TMEM132D: variants seen among roughly 807,000 people sequenced by gnomAD.
TMEM132D encodes transmembrane protein 132D.
In TMEM132D, 21 loss-of-function variants were observed where a neutral mutation model predicts 62.3. That is an observed-to-expected ratio of 0.34 (90% CI 0.24 to 0.49). The LOEUF is 0.49. TMEM132D is among the 20% of genes least tolerant of loss of function. The pLI, the probability that TMEM132D is intolerant of heterozygous loss-of-function variation, is 0.99. For missense variants in TMEM132D, 1,346 were observed against 1,402.8 expected, an observed-to-expected ratio of 0.96 and a Z score of 0.65; for synonymous variants, 621 against 575.6, an observed-to-expected ratio of 1.08 and a Z score of -1.13.
In TMEM132D at chr12:129,817,938, T is replaced by TGTGTGTGTGTGTGGTGTGAG. The variant is rs1555233656; in HGVS notation, c.79+85322_79+85323insCTCACACCACACACACACAC. Among the ~76,000 whole-genome samples the TGTGTGTGTGTGTGGTGTGAG allele has an allele frequency of 4.2e-5, 6 of 141,400 alleles. No homozygotes were observed. In the South Asian group the frequency reaches 1.2e-3, roughly 28 times the overall value. The allele number at this position is 141,400 out of a possible 152,430, so 92.8% of individuals were successfully genotyped here. A position where few individuals can be genotyped will look rare whatever the true frequency, so the allele number is the denominator to read the frequency against. ...GTAGCTGTGTATATGTGGTTTGGAG[T>TGTGTGTGTGTGTGGTGTGAG]GTGTGTGTGTGGTGTGAGGTGTATG... is the stretch of plus-strand genomic sequence containing the variant. On this transcript the variant is annotated intron_variant, in intron 1 of 8. Coordinates refer to ENST00000422113, the MANE Select transcript of TMEM132D (RefSeq NM_133448.3).
intron 3 of TMEM132D, among the ~76,000 whole-genome samples, chr12:129,341,317 A>G (rs368267726): frequency 6.6e-6 from 1 of 152,212 alleles, no homozygotes; most frequent in Non-Finnish European, 1.5e-5. Flanking sequence ...ATTGTAGGAG[A>G]TAAATACAGT....
chr12:129,400,273 G>T (rs921735751), intron 3 of TMEM132D, among the ~76,000 whole-genome samples: 1 of 152,134 alleles, frequency 6.6e-6, no homozygotes, highest in African/African-American at 2.4e-5. Context: ...CATTAGTCAA[G>T]AGCATGTCCT....
rs34775349 is a variant in TMEM132D, at chr12:129,299,420, C to CTT, written c.1299+38212_1299+38213dup. On this transcript the variant is annotated intron_variant, in intron 4 of 8. Coordinates refer to ENST00000422113, the MANE Select transcript of TMEM132D (RefSeq NM_133448.3). ...CTCTTTTCTGTTTCACATAGTTGAACTTTTTTTTTTTTTTTTTTGCCAATT... is the reference window on the plus strand; with the variant it reads ...CTCTTTTCTGTTTCACATAGTTGAACTTTTTTTTTTTTTTTTTTTTGCCAATT... Among the ~76,000 whole-genome samples the CTT allele has an allele frequency of 8.6e-3, 1,098 of 127,600 alleles. 12 individuals are homozygous for CTT. Among genetic ancestry groups the CTT allele is most frequent in the African/African-American group, 0.016 (539 of 34,170 alleles). The allele number at this position is 127,600 out of a possible 152,430, so 83.7% of individuals were successfully genotyped here.
chr12:129,601,179 G>C (rs1382371332), intron 2 of TMEM132D, among the ~76,000 whole-genome samples: 1 of 152,200 alleles, frequency 6.6e-6, no homozygotes, highest in Non-Finnish European at 1.5e-5. Flanking sequence ...ATGTCATAGA[G>C]ATGGCATCTT....
Position 129,084,514 on chromosome 12 carries a change from G to A in TMEM132D, c.1632C>T (p.Pro544=), listed in dbSNP as rs760581231. The A allele has an allele frequency of 6.2e-7, 1 of 1,603,406 alleles. No homozygotes were observed. The highest frequency in any genetic ancestry group is 8.5e-7 in the Non-Finnish European group (1 of 1,174,822). ...ELNQIKGWRV[P]IVSSRRPAGD... Reference sequence around the variant, plus strand: ...ATACCCACCTCCTGCTGGAGACGATGGGCACTCTCCAACCCTTGATCTGAT... The same window carrying A: ...ATACCCACCTCCTGCTGGAGACGATAGGCACTCTCCAACCCTTGATCTGAT... The change falls in exon 6 of 9, where the codon CCC becomes CCT. Residue 544 remains proline (P), a synonymous_variant. Coordinates refer to ENST00000422113, the MANE Select transcript of TMEM132D (RefSeq NM_133448.3).
chr12:129,370,608 A>G (rs1593354637), intron 3 of TMEM132D, among the ~76,000 whole-genome samples: 2 of 152,260 alleles, frequency 1.3e-5, no homozygotes, highest in African/African-American at 2.4e-5. Flanking sequence ...TCTATTCACA[A>G]TAGCGAAAAT....
chr12:129,226,920 G>T (rs966773054), intron 4 of TMEM132D, among the ~76,000 whole-genome samples: 1 of 152,108 alleles, frequency 6.6e-6, no homozygotes, highest in Non-Finnish European at 1.5e-5. Context: ...ATTCTGAGCC[G>T]CCTGAAGAAA....
chr12:129,183,552 G>A (rs763137228), intron 5 of TMEM132D, among the ~76,000 whole-genome samples: 3 of 152,208 alleles, frequency 2.0e-5, no homozygotes, highest in Non-Finnish European at 4.4e-5. Context: ...TTGGGCCTGA[G>A]GTTGATGCCA....
chr12:129,116,216 G>A (rs539604357), intron 5 of TMEM132D, among the ~76,000 whole-genome samples: 4 of 152,304 alleles, frequency 2.6e-5, no homozygotes, highest in Non-Finnish European at 5.9e-5. Context: ...AGAGAGGCTG[G>A]TTAAGGTGGG....
At chr12:129,480,246 G>A (rs1459250850) in intron 3 of TMEM132D, among the ~76,000 whole-genome samples, 1 of 152,234 alleles carries the variant, frequency 6.6e-6, no homozygotes, top group Non-Finnish European at 1.5e-5. Context: ...TGCAGGGGGT[G>A]CAGAGGGCAC....
At chr12:129,155,793 C>A (rs1039724749) in intron 5 of TMEM132D, among the ~76,000 whole-genome samples, 6 of 152,162 alleles carry the variant, frequency 3.9e-5, no homozygotes, top group African/African-American at 1.4e-4. Context: ...CCTATGATAA[C>A]CCACTCCACA....
chr12:129,186,407 G>A (rs1878223075), intron 5 of TMEM132D, among the ~76,000 whole-genome samples: 1 of 152,174 alleles, frequency 6.6e-6, no homozygotes, highest in Admixed American at 6.5e-5. Flanking sequence ...GTTCCACTGA[G>A]AGGGGTCCAG....
chr12:129,537,722 GA>G (rs1462362819), intron 2 of TMEM132D, among the ~76,000 whole-genome samples: 4 of 152,206 alleles, frequency 2.6e-5, no homozygotes, highest in African/African-American at 9.6e-5. Context: ...AGACCAAAGA[GA>G]AGAGGAATTG....
intron 3 of TMEM132D, among the ~76,000 whole-genome samples, chr12:129,342,362 G>A (rs1364120923): frequency 5.3e-5 from 8 of 152,030 alleles, no homozygotes; most frequent in South Asian, 4.1e-4. Flanking sequence ...TGGGAAAACT[G>A]GCTAGCCATA....
chr12:129,831,949 A>C (rs1872851288), intron 1 of TMEM132D, among the ~76,000 whole-genome samples: 1 of 144,608 alleles, frequency 6.9e-6, no homozygotes, highest in Admixed American at 7.3e-5. Flanking sequence ...AGCTCACTGC[A>C]ATCTCCACCT....
At chr12:129,540,588 C>A (rs1339583551) in intron 2 of TMEM132D, among the ~76,000 whole-genome samples, 2 of 151,956 alleles carry the variant, frequency 1.3e-5, no homozygotes, top group Non-Finnish European at 2.9e-5. Context: ...CTGGTTCAAG[C>A]AATTCTCATG....
chr12:129,903,429 G>A lies in TMEM132D; in HGVS notation c.-90C>T, dbSNP rs1365800364. On this transcript the variant is annotated 5_prime_UTR_variant, in exon 1 of 9. Transcript: ENST00000422113. The surrounding 1 kb of genome is among the most constrained non-coding windows in gnomAD (Gnocchi z 6.2). ...CAGTCCCCTAGAGGCCCGCAGCGGG[G>A]CCGGTGGCGAGGGAGCGCCCGGCTA... 2.1e-6 allele frequency: 3 copies of A among 1,413,050 alleles called. No homozygotes were observed. The highest frequency in any genetic ancestry group is 2.9e-6 in the Non-Finnish European group (3 of 1,029,998). The allele number at this position is 1,413,050 out of a possible 1,614,324, so 87.5% of individuals were successfully genotyped here. A position where few individuals can be genotyped will look rare whatever the true frequency, so the allele number is the denominator to read the frequency against.
intron 4 of TMEM132D, among the ~76,000 whole-genome samples, chr12:129,281,540 AG>A (rs1157653359): frequency 6.6e-6 from 1 of 151,760 alleles, no homozygotes; most frequent in East Asian, 1.9e-4. Flanking sequence ...GTTGATGGAG[AG>A]GCATTTGTTT....
chr12:129,409,800 C>T (rs566446589), intron 3 of TMEM132D, among the ~76,000 whole-genome samples: 3 of 152,292 alleles, frequency 2.0e-5, no homozygotes, highest in East Asian at 1.9e-4. Context: ...TTCCAGGGAG[C>T]GTAAATACCT....
Sources: allele counts gnomAD v4.1 joint callset (sites outside exome capture counted in the v4.1 genomes callset), GRCh38; gene constraint gnomAD v4.1.1; non-coding constraint Gnocchi (gnomAD v3.1); transcripts MANE v1.5; gene names NCBI Gene and HGNC (gene_info 2026-07-23, HGNC 2026-07-21).